Variants in ACSF3 observed in about 807,000 individuals in gnomAD.
ACSF3 encodes malonate--CoA ligase ACSF3, mitochondrial.
In ACSF3, 78 loss-of-function variants were observed where a neutral mutation model predicts 53.2. The ratio of observed to expected loss-of-function variants is 1.47; its 90% CI spans 1.22 to 1.77. The LOEUF (loss-of-function observed/expected upper bound fraction) is 1.77. ACSF3 is among the 40% of genes most tolerant of loss of function. The probability of loss-of-function intolerance (pLI) is 0.00; values close to 1 mark genes in which losing one functional copy is unlikely to be tolerated. For missense variants in ACSF3, 937 were observed against 771.1 expected, an observed-to-expected ratio of 1.22 and a Z score of -2.55; for synonymous variants, 414 against 333.1, an observed-to-expected ratio of 1.24 and a Z score of -2.65.
Position 89,154,408 on chromosome 16 carries a change from C to T in ACSF3, c.*201C>T, listed in dbSNP as rs199740112. The T allele has an allele frequency of 4.1e-5, 28 of 681,246 alleles. No individual in the cohort carries two copies. Among genetic ancestry groups the T allele is most frequent in the Middle Eastern group, 7.3e-4 (2 of 2,732 alleles). 42.2% of individuals were successfully genotyped at this position (681,246 alleles called of 1,614,324 possible). ...GCCAGTTGTTGCAGCTCAAGGAGAC[C>T]GTCCCTGGTGTCACCTCTGCCTGGT... On this transcript the variant is annotated 3_prime_UTR_variant, in exon 11 of 11. Coordinates refer to ENST00000614302, the MANE Select transcript of ACSF3 (RefSeq NM_001243279.3).
Position 89,155,638 on chromosome 16 carries a change from A to G in ACSF3, c.*1431A>G. ...CCCTCCCGCCAGAGGCCTGGACCCA[A>G]GGGAACGGCAGTCAGAGACTACAGT... On this transcript the variant is annotated 3_prime_UTR_variant, in exon 11 of 11. Coordinates refer to ENST00000614302, the MANE Select transcript of ACSF3 (RefSeq NM_001243279.3). 2.2e-6 allele frequency: 1 copy of G among 454,110 alleles called. No homozygotes were observed. Among genetic ancestry groups the G allele is most frequent in the Non-Finnish European group, 4.4e-6 (1 of 226,762 alleles). 28.1% of individuals were successfully genotyped at this position (454,110 alleles called of 1,614,324 possible). A position where few individuals can be genotyped will look rare whatever the true frequency, so the allele number is the denominator to read the frequency against.
At chr16:89,128,871 G>A (rs1265188880) in intron 7 of ACSF3, among the ~76,000 whole-genome samples, 1 of 152,126 alleles carries the variant, frequency 6.6e-6, no homozygotes, top group African/African-American at 2.4e-5. Flanking sequence ...GCTCACACCT[G>A]TAATCCCAAC....
Position 89,154,092 on chromosome 16 carries a change from A to G in ACSF3, c.1616A>G (p.Asn539Ser). 1 of 1,612,696 alleles carries G rather than the reference A, an allele frequency of 6.2e-7. No individual in the cohort carries two copies. Among genetic ancestry groups the G allele is most frequent in the Non-Finnish European group, 8.5e-7 (1 of 1,179,544 alleles). ...SHRELKEWAR[N>S]VLAPYAVPSE... Reference sequence around the variant, plus strand: ...TCAGGCTGTGCTTGTCTCTGCAGAAATGTCCTGGCCCCGTACGCGGTGCCC... The same window carrying G: ...TCAGGCTGTGCTTGTCTCTGCAGAAGTGTCCTGGCCCCGTACGCGGTGCCC... Residue 539 changes from asparagine (N) to serine (S), a missense_variant and splice_region_variant, in exon 11 of 11, where the codon AAT becomes AGT. By Grantham distance (46) the Asn-to-Ser change is conservative. Coordinates refer to ENST00000614302, the MANE Select transcript of ACSF3 (RefSeq NM_001243279.3).
intron 6 of ACSF3, among the ~76,000 whole-genome samples, chr16:89,117,949 CA>C (rs1567708244): frequency 0.037 from 4,051 of 108,732 alleles, 189 homozygotes; most frequent in Middle Eastern, 0.047. Flanking sequence ...GCAGAGCCCA[CA>C]GTAGGTTCCC....
At chr16:89,116,246 G>A (rs767929017) in intron 6 of ACSF3, among the ~76,000 whole-genome samples, 5 of 152,128 alleles carry the variant, frequency 3.3e-5, no homozygotes, top group South Asian at 2.1e-4. Flanking sequence ...AAAGTCCGTC[G>A]ACTCCTGAGG....
chr16:89,107,407 A>ACCATCCTGCTACACGCGTGCTCTCCCCG (rs1976133199), intron 4 of ACSF3, among the ~76,000 whole-genome samples: 2 of 144,854 alleles, frequency 1.4e-5, no homozygotes, highest in Non-Finnish European at 1.5e-5. Context: ...TGCTCTCCCC[A>ACCATCCTGCTACACGCGTGCTCTCCCCG]CCTCGGCACC....
chr16:89,149,698 G>A (rs1235963950), intron 10 of ACSF3: 1 of 152,318 alleles, frequency 6.6e-6, no homozygotes, highest in Non-Finnish European at 1.5e-5. Flanking sequence ...ACCGCCCAGA[G>A]TTGGGTGTGG....
intron 6 of ACSF3, among the ~76,000 whole-genome samples, chr16:89,117,476 C>T (rs1411770182): frequency 6.6e-6 from 1 of 152,138 alleles, no homozygotes; most frequent in Admixed American, 6.5e-5. Flanking sequence ...GGACCACTGT[C>T]TACACCGAGG....
intron 8 of ACSF3, among the ~76,000 whole-genome samples, chr16:89,144,898 G>T (rs1161612947): frequency 2.0e-5 from 3 of 152,246 alleles, no homozygotes; most frequent in African/African-American, 4.8e-5. Context: ...CTAATGCAGG[G>T]TGTCTGCAGA....
chr16:89,136,215 G>C (rs893973429), intron 8 of ACSF3, among the ~76,000 whole-genome samples: 1 of 152,372 alleles, frequency 6.6e-6, no homozygotes, highest in South Asian at 2.1e-4. Context: ...GCGGGGCTGC[G>C]AGCGTGGAAA....
chr16:89,103,901 G>T (rs1041552673), intron 4 of ACSF3, among the ~76,000 whole-genome samples: 6 of 152,246 alleles, frequency 3.9e-5, no homozygotes, highest in Admixed American at 2.0e-4. Context: ...AGCCTTGCCT[G>T]TGCAGGGCTG....
intron 8 of ACSF3, among the ~76,000 whole-genome samples, chr16:89,142,518 TACCCACACCTGCAGACAC>T (rs11269999): frequency 0.17 from 17,762 of 106,874 alleles, 1,711 homozygotes; most frequent in East Asian, 0.51. Context: ...TGCAGAGACA[TACCCACACCTGCAGACAC>T]ACCCACACCT....
At chr16:89,097,010 C>T (rs922378247) in intron 1 of ACSF3, among the ~76,000 whole-genome samples, 9 of 152,260 alleles carry the variant, frequency 5.9e-5, no homozygotes, top group South Asian at 2.1e-4. Context: ...CAGCTGTGCA[C>T]GTCAGCATCA....
At chr16:89,142,541 ACACC>A (rs1567741213) in intron 8 of ACSF3, among the ~76,000 whole-genome samples, 1 of 111,558 alleles carries the variant, frequency 9.0e-6, no homozygotes, top group Non-Finnish European at 1.9e-5. Flanking sequence ...AGACACACCC[ACACC>A]TGCAGACACA....
chr16:89,130,543 C>T (rs1408225033), intron 7 of ACSF3, among the ~76,000 whole-genome samples: 5 of 152,180 alleles, frequency 3.3e-5, no homozygotes, highest in Non-Finnish European at 1.5e-5. Flanking sequence ...CATTGCACTC[C>T]AGCCTGGGTG....
intron 8 of ACSF3, among the ~76,000 whole-genome samples, chr16:89,142,166 G>A (rs1437510770): frequency 6.6e-6 from 1 of 152,108 alleles, no homozygotes; most frequent in Non-Finnish European, 1.5e-5. Flanking sequence ...CCTGGGGTTG[G>A]AGGCCAGGCA....
At chr16:89,131,209 C>G (rs1909256525) in intron 7 of ACSF3, among the ~76,000 whole-genome samples, 1 of 137,962 alleles carries the variant, frequency 7.2e-6, no homozygotes, top group South Asian at 2.5e-4. Flanking sequence ...TCTTGGTTCA[C>G]TGCAATCTCC....
intron 8 of ACSF3, chr16:89,136,701 G>A (rs1477504966): frequency 7.8e-7 from 1 of 1,286,980 alleles, no homozygotes; most frequent in Non-Finnish European, 1.0e-6. Context: ...CAGCTTTGAT[G>A]CCAGCCGCTC....
intron 7 of ACSF3, among the ~76,000 whole-genome samples, chr16:89,123,983 G>T (rs1220837024): frequency 1.3e-5 from 2 of 150,788 alleles, no homozygotes; most frequent in African/African-American, 2.4e-5. Context: ...AGTACGCATG[G>T]GTATCACATG....
Sources: gnomAD v4.1 joint callset for allele counts (sites outside exome capture counted in the v4.1 genomes callset) on GRCh38, gnomAD v4.1.1 for gene constraint, MANE v1.5 for transcripts, NCBI Gene and HGNC (gene_info 2026-07-23, HGNC 2026-07-21) for gene names.